SLC5A10: variants seen among roughly 807,000 people sequenced by gnomAD.
SLC5A10 encodes the protein sodium/mannose cotransporter SLC5A10.
Under a neutral mutation model 68.9 loss-of-function variants are expected in SLC5A10, and 55 were observed. That is an observed-to-expected ratio of 0.80 (90% confidence interval 0.64 to 1.00). The LOEUF (loss-of-function observed/expected upper bound fraction) is 1.00, where lower values mean the gene tolerates loss of function less well. SLC5A10 is among the 50% of genes least tolerant of loss of function. The pLI is 0.00. For missense variants in SLC5A10, 732 were observed against 819.3 expected (o/e 0.89, Z 1.30); for synonymous variants, 344 against 344.8 (o/e 1.00, Z 0.02).
At chr17:18,999,228 A>C (rs964922808) in intron 9 of SLC5A10, among the ~76,000 whole-genome samples, 1 of 152,124 alleles carries the variant, frequency 6.6e-6, no homozygotes, top group Middle Eastern at 3.2e-3. Context: ...CGGTGAGCAG[A>C]GATCGTGCCA....
intron 9 of SLC5A10, among the ~76,000 whole-genome samples, chr17:19,011,094 G>A (rs2044002539): frequency 6.6e-6 from 1 of 152,248 alleles, no homozygotes; most frequent in African/African-American, 2.4e-5. Context: ...GGGACTTGGA[G>A]ATGATTCAAA....
intron 11 of SLC5A10, 33 bp from the exon 12 acceptor site, chr17:19,019,390 G>A (rs373320593): frequency 7.9e-5 from 126 of 1,592,440 alleles, no homozygotes; most frequent in South Asian, 4.9e-4. Flanking sequence ...AGCCTCCCAC[G>A]ACGACCGCTG....
At chr17:18,974,173 G>A (rs2042926816) in intron 8 of SLC5A10, among the ~76,000 whole-genome samples, 1 of 152,060 alleles carries the variant, frequency 6.6e-6, no homozygotes, top group Admixed American at 6.6e-5. Flanking sequence ...TTACAGGCAT[G>A]AGCCACCATG....
At chr17:18,960,694 T>C in intron 5 of SLC5A10, 42 bp downstream of exon 5, 1 of 1,579,676 alleles carries the variant, frequency 6.3e-7, no homozygotes, top group African/African-American at 1.3e-5. Context: ...CCTGGAAACA[T>C]CGCCAATCTG....
Position 19,019,604 on chromosome 17 carries a change from G to T in SLC5A10, c.1410+13G>T, listed in dbSNP as rs371168430. 6.2e-7 allele frequency: 1 copy of T among 1,609,880 alleles called. No homozygotes were observed. The highest frequency in any genetic ancestry group is 8.5e-7 in the Non-Finnish European group (1 of 1,179,508). On this transcript the variant is annotated intron_variant, in intron 12 of 14. Coordinates refer to ENST00000395645, the MANE Select transcript of SLC5A10 (RefSeq NM_001042450.4). ...TGCCAACGAGCAGGTGGGCGTCGGC[G>T]GTCTGCTCTCCCTGGGGACGTGCCA...
chr17:18,977,657 TG>T, intron 9 of SLC5A10: 1 of 1,610,218 alleles, frequency 6.2e-7, no homozygotes, highest in Non-Finnish European at 8.5e-7. Flanking sequence ...TCCCCGACTC[TG>T]GGCCCATGGG....
At position 18,952,205 on chromosome 17, in the gene SLC5A10, C is replaced by T. The variant is rs917874249; in HGVS notation, c.-1C>T. The T allele has an allele frequency of 1.4e-5, 23 of 1,611,874 alleles. No individual in the cohort carries two copies. Among genetic ancestry groups the T allele is most frequent in the Non-Finnish European group, 1.8e-5 (21 of 1,179,182 alleles). ...TACCTAGTGCCTGCGGCAGGACAGC[C>T]ATGGCCGCCAACTCCACCAGCGACC... On this transcript the variant is annotated 5_prime_UTR_variant, in exon 1 of 15. Transcript: ENST00000395645.
In SLC5A10 at chr17:19,020,805, C is replaced by T. The variant is rs1199429703; in HGVS notation, c.*374C>T. 1 of 230,294 alleles carries T rather than the reference C, an allele frequency of 4.3e-6. No individual in the cohort carries two copies. The highest frequency in any genetic ancestry group is 5.0e-5 in the Admixed American group (1 of 19,876). The allele number at this position is 230,294 out of a possible 1,614,324, so 14.3% of individuals were successfully genotyped here. ...CCAGCTCTGGATGGAGGAAGAGCCC[C>T]ACATGCCCAGAGCAAGGCCCCCCAT... On this transcript the variant is annotated 3_prime_UTR_variant, in exon 15 of 15. Transcript: ENST00000395645.
chr17:18,980,945 C>G (rs1597855043), intron 9 of SLC5A10, among the ~76,000 whole-genome samples: 1 of 152,296 alleles, frequency 6.6e-6, no homozygotes, highest in East Asian at 1.9e-4. Context: ...GGGCTCTGTG[C>G]CGGCTTCTGG....
At chr17:18,954,666 G>C (rs1003829215) in intron 1 of SLC5A10, among the ~76,000 whole-genome samples, 1 of 152,206 alleles carries the variant, frequency 6.6e-6, no homozygotes, top group Non-Finnish European at 1.5e-5. Context: ...CCGGGGGGAG[G>C]CCTTTAAGGA....
Position 19,020,672 on chromosome 17 carries a change from A to G in SLC5A10, c.*241A>G, listed in dbSNP as rs750176265. ...CAGTCAGCATTGGAAGGAAAATTAG[A>G]TTTCTGACGGACATCCTGATGTTGG... On this transcript the variant is annotated 3_prime_UTR_variant, in exon 15 of 15. Transcript: ENST00000395645. The G allele has an allele frequency of 5.4e-6, 3 of 552,822 alleles. No individual in the cohort carries two copies. Among genetic ancestry groups the G allele is most frequent in the Non-Finnish European group, 6.5e-6 (2 of 307,918 alleles). 34.2% of individuals were successfully genotyped at this position (552,822 alleles called of 1,614,324 possible).
At chr17:18,956,465 GTTTTTTTTTTTT>G (rs750867503) in intron 1 of SLC5A10, among the ~76,000 whole-genome samples, 1 of 98,010 alleles carries the variant, frequency 1.0e-5, no homozygotes, top group African/African-American at 3.8e-5. Context: ...TTTTCTTTCT[GTTTTTTTTTTTT>G]TTTTTTTTTT....
intron 4 of SLC5A10, among the ~76,000 whole-genome samples, 164 bp from the exon 5 acceptor site, chr17:18,960,384 G>C (rs963719701): frequency 6.6e-5 from 10 of 152,256 alleles, no homozygotes; most frequent in Admixed American, 2.0e-4. Flanking sequence ...CGGGATTCCA[G>C]GCCGGGTGCT....
chr17:18,999,582 G>A (rs888586428), intron 9 of SLC5A10, among the ~76,000 whole-genome samples: 2 of 152,184 alleles, frequency 1.3e-5, no homozygotes, highest in South Asian at 2.1e-4. Flanking sequence ...ACACAGCATG[G>A]TAAAGTGCCC....
chr17:18,959,307 G>C (rs1324953933), intron 3 of SLC5A10, 68 bp downstream of exon 3: 3 of 1,496,936 alleles, frequency 2.0e-6, no homozygotes, highest in East Asian at 4.5e-5. Context: ...GCACTGGAGG[G>C]GGACAGCTCC....
At chr17:18,982,187 C>CT (rs2043155625) in intron 9 of SLC5A10, among the ~76,000 whole-genome samples, 1 of 152,234 alleles carries the variant, frequency 6.6e-6, no homozygotes, top group African/African-American at 2.4e-5. Context: ...GTCCCGGGCC[C>CT]TTGCTGGGCC....
chr17:19,017,515 G>A lies in SLC5A10; in HGVS notation c.1242-1908G>A, dbSNP rs1312734387. On this transcript the variant is annotated intron_variant, in intron 11 of 14. Transcript: ENST00000395645. The surrounding 1 kb of genome is among the most constrained non-coding windows in gnomAD (Gnocchi z 5.6). ...CAGGGCCGGGTGCAGTACCATGCCG[G>A]TGACCCTGATGGCTCTGTCCAGCTG... The A allele has an allele frequency of 3.7e-5, 34 of 911,650 alleles. No homozygotes were observed. The highest frequency in any genetic ancestry group is 5.4e-5 in the Non-Finnish European group (32 of 589,644). 56.5% of individuals were successfully genotyped at this position (911,650 alleles called of 1,614,324 possible). A position where few individuals can be genotyped will look rare whatever the true frequency, so the allele number is the denominator to read the frequency against.
rs749349168 is a variant in SLC5A10 at position 18,959,135 on chromosome 17, A to G, written c.184A>G (p.Ile62Val). 1.9e-6 allele frequency: 3 copies of G among 1,608,964 alleles called. No homozygotes were observed. The highest frequency in any genetic ancestry group is 2.6e-6 in the Non-Finnish European group (3 of 1,176,030). The change falls in exon 3 of 15, where the codon ATT becomes GTT. Residue 62 changes from isoleucine (I) to valine (V), a missense_variant and splice_region_variant. Transcript: ENST00000395645. ...ATGCGTTTCCCTTTCTCTCCTCCAG[A>G]TTGGAGCCTCCCTCTTCGCCAGCAG... is the stretch of plus-strand genomic sequence containing the variant. ...LAGRDMTWWP[I>V]GASLFASSEG... is the part of the protein sequence containing the mutation.
intron 2 of SLC5A10, 68 bp from the exon 3 acceptor site, chr17:18,959,067 C>A: frequency 1.4e-6 from 2 of 1,461,268 alleles, no homozygotes; most frequent in Non-Finnish European, 1.9e-6. Flanking sequence ...GAGGGAGAAG[C>A]TATTAGGCCC....
Sources: gnomAD v4.1 joint callset for allele counts (sites outside exome capture counted in the v4.1 genomes callset) on GRCh38, gnomAD v4.1.1 for gene constraint, Gnocchi (gnomAD v3.1) non-coding constraint, MANE v1.5 for transcripts, NCBI Gene and HGNC (gene_info 2026-07-23, HGNC 2026-07-21) for gene names.